Variants in SLC25A26 observed in about 807,000 individuals in gnomAD.
SLC25A26 encodes solute carrier family 25 member 26, also known as mitochondrial S-adenosylmethionine carrier protein.
SLC25A26 carries 36 observed loss-of-function variants against 37.8 expected under a neutral mutation model. The observed-to-expected ratio is 0.95, with a 90% CI of 0.73 to 1.26. The LOEUF is 1.26. Ranked by LOEUF, SLC25A26 falls within the 50% of genes most tolerant of loss-of-function variation. The probability of loss-of-function intolerance (pLI) is 0.00; values close to 1 mark genes in which losing one functional copy is unlikely to be tolerated. For synonymous variants in SLC25A26, 129 were observed against 122.5 expected, an observed-to-expected ratio of 1.05 and a Z score of -0.35; for missense variants, 390 against 331.1, an observed-to-expected ratio of 1.18 and a Z score of -1.38.
intron 1 of SLC25A26, among the ~76,000 whole-genome samples, chr3:66,190,916 T>C (rs1403648212): frequency 2.0e-5 from 3 of 152,186 alleles, no homozygotes; most frequent in African/African-American, 4.8e-5. Flanking sequence ...CAGGAAGAAA[T>C]TGTAATCAAG....
intron 5 of SLC25A26, among the ~76,000 whole-genome samples, chr3:66,312,254 G>T (rs527505531): frequency 1.3e-5 from 2 of 152,146 alleles, no homozygotes; most frequent in African/African-American, 4.8e-5. Context: ...TGCCCAGCCC[G>T]AACTTCGCCG....
intron 1 of SLC25A26, among the ~76,000 whole-genome samples, chr3:66,224,828 T>A (rs2071665305): frequency 6.6e-6 from 1 of 152,210 alleles, no homozygotes; most frequent in South Asian, 2.1e-4. Flanking sequence ...ATACACCCAT[T>A]GCAAATGGGA....
chr3:66,193,334 G>A (rs2070981395), intron 1 of SLC25A26, among the ~76,000 whole-genome samples: 1 of 152,068 alleles, frequency 6.6e-6, no homozygotes, highest in East Asian at 1.9e-4. Flanking sequence ...TTATGCCCAG[G>A]TCAACAGAGG....
chr3:66,143,603 G>C (rs905167170), intron 1 of SLC25A26, among the ~76,000 whole-genome samples: 1 of 152,158 alleles, frequency 6.6e-6, no homozygotes, highest in Non-Finnish European at 1.5e-5. Context: ...AAAATTATTG[G>C]CTGGGAACAG....
At chr3:66,366,300 G>A (rs1171208105) in intron 7 of SLC25A26, among the ~76,000 whole-genome samples, 1 of 152,126 alleles carries the variant, frequency 6.6e-6, no homozygotes, top group African/African-American at 2.4e-5. Flanking sequence ...TAAATAAAAC[G>A]TAGAAAATAA....
chr3:66,283,720 T>A (rs2074419321), intron 5 of SLC25A26, among the ~76,000 whole-genome samples: 1 of 152,242 alleles, frequency 6.6e-6, no homozygotes, highest in African/African-American at 2.4e-5. Flanking sequence ...TATTATTGTT[T>A]TAATCTTAGT....
chr3:66,220,125 T>C (rs938988153), upstream of SLC25A26, among the ~76,000 whole-genome samples: 8 of 152,348 alleles, frequency 5.3e-5, no homozygotes, highest in African/African-American at 1.9e-4. Flanking sequence ...ATGAGGGCAT[T>C]AAGTATATTT....
At chr3:66,284,234 A>G (rs962695994) in intron 5 of SLC25A26, among the ~76,000 whole-genome samples, 3 of 152,202 alleles carry the variant, frequency 2.0e-5, no homozygotes, top group East Asian at 3.9e-4. Context: ...CCATAGTCCC[A>G]TTTACTTGGG....
At chr3:66,375,065 G>T (rs954316300) in intron 9 of SLC25A26, among the ~76,000 whole-genome samples, 1 of 152,140 alleles carries the variant, frequency 6.6e-6, no homozygotes, top group Non-Finnish European at 1.5e-5. Flanking sequence ...AATGATAAGT[G>T]TAACAGCCTC....
chr3:66,225,191 C>G (rs1697967184), intron 1 of SLC25A26, among the ~76,000 whole-genome samples: 1 of 152,166 alleles, frequency 6.6e-6, no homozygotes, highest in Non-Finnish European at 1.5e-5. Context: ...CCACACTGCC[C>G]CAGTAGAGGT....
intron 3 of SLC25A26, among the ~76,000 whole-genome samples, chr3:66,243,925 G>A (rs1251458486): frequency 6.6e-6 from 1 of 152,260 alleles, no homozygotes; most frequent in Middle Eastern, 3.4e-3. Flanking sequence ...AAGGGTGCCA[G>A]CTTATACTGC....
At chr3:66,377,115 T>G in intron 9 of SLC25A26, among the ~76,000 whole-genome samples, 1 of 152,172 alleles carries the variant, frequency 6.6e-6, no homozygotes. Context: ...CATTGTAGTT[T>G]TACTTTGCAT....
intron 3 of SLC25A26, among the ~76,000 whole-genome samples, chr3:66,245,925 C>G (rs953102346): frequency 6.6e-6 from 1 of 152,200 alleles, no homozygotes; most frequent in African/African-American, 2.4e-5. Context: ...TAAAACATCT[C>G]TCCCCAAAGG....
intron 1 of SLC25A26, among the ~76,000 whole-genome samples, chr3:66,200,482 T>C (rs1193907658): frequency 7.9e-5 from 12 of 152,344 alleles, no homozygotes; most frequent in African/African-American, 2.2e-4. Flanking sequence ...TGGATCCTTT[T>C]AGCATCATTT....
rs528149682 is a variant in SLC25A26, at chr3:66,226,249, G to A, written c.33+5122G>A. ...GAAGGCAAAGGAGGAGCAAAGTCAC[G>A]TCTTACATGGCTGCAGATGAGAGCG... On this transcript the variant is annotated intron_variant, in intron 1 of 9. Coordinates refer to ENST00000354883, the MANE Select transcript of SLC25A26 (RefSeq NM_001379210.1). Among the ~76,000 whole-genome samples the A allele has an allele frequency of 6.6e-5, 10 of 152,256 alleles. No homozygotes were observed. The South Asian group carries it at 1.9e-3, about 28-fold the overall frequency.
At chr3:66,271,826 A>G (rs1559640269) in intron 5 of SLC25A26, among the ~76,000 whole-genome samples, 2 of 145,058 alleles carry the variant, frequency 1.4e-5, no homozygotes, top group African/African-American at 2.5e-5. Context: ...CTGTACCACT[A>G]TTTTTTTTTT....
chr3:66,333,884 A>G (rs1211998259), intron 5 of SLC25A26, among the ~76,000 whole-genome samples: 1 of 152,182 alleles, frequency 6.6e-6, no homozygotes, highest in Admixed American at 6.5e-5. Context: ...TCTGTATTAC[A>G]GAGAGTGCAA....
intron 1 of SLC25A26, among the ~76,000 whole-genome samples, chr3:66,209,898 T>TCTCTCTCTCTCTC (rs2071256377): frequency 2.6e-5 from 1 of 38,608 alleles, no homozygotes; most frequent in African/African-American, 8.8e-5. Context: ...CTCTCTCTAT[T>TCTCTCTCTCTCTC]TATATATATA....
intron 5 of SLC25A26, among the ~76,000 whole-genome samples, chr3:66,328,965 G>A (rs1409452130): frequency 1.3e-5 from 2 of 152,046 alleles, no homozygotes; most frequent in Non-Finnish European, 2.9e-5. Flanking sequence ...GTGCCACCTA[G>A]CTTTTTAAAA....
Sources: allele counts gnomAD v4.1 joint callset (sites outside exome capture counted in the v4.1 genomes callset), GRCh38; gene constraint gnomAD v4.1.1; transcripts MANE v1.5; gene names NCBI Gene and HGNC (gene_info 2026-07-23, HGNC 2026-07-21).